RIT2: variants seen among roughly 807,000 people sequenced by gnomAD.
RIT2 encodes the protein Ras like without CAAX 2, also known as GTP-binding protein Rit2.
A neutral mutation model predicts 23.7 loss-of-function variants in RIT2; 24 were observed. That is an observed-to-expected ratio of 1.01 (90% CI 0.73 to 1.43). The LOEUF (loss-of-function observed/expected upper bound fraction) is 1.43, where lower values mean the gene tolerates loss of function less well. Ranked by LOEUF, RIT2 falls within the 40% of genes most tolerant of loss-of-function variation. The probability of loss-of-function intolerance (pLI) is 0.00; values close to 1 mark genes in which losing one functional copy is unlikely to be tolerated. For synonymous variants in RIT2, 107 were observed against 91.1 expected (o/e 1.17, Z -0.99); for missense variants, 236 against 266.9 (o/e 0.88, Z 0.81).
intron 1 of RIT2, among the ~76,000 whole-genome samples, chr18:43,077,138 C>G (rs979842154): frequency 2.0e-5 from 3 of 149,338 alleles, no homozygotes; most frequent in African/African-American, 7.4e-5. Context: ...CAAACACAAG[C>G]CTCAGTTGAA....
chr18:43,095,717 C>G (rs1039868516), intron 1 of RIT2, among the ~76,000 whole-genome samples: 1 of 151,898 alleles, frequency 6.6e-6, no homozygotes, highest in Non-Finnish European at 1.5e-5. Flanking sequence ...TAACTGCACT[C>G]GCTGATTTGA....
chr18:42,856,792 A>AT (rs1383814566), intron 4 of RIT2, among the ~76,000 whole-genome samples: 4 of 148,748 alleles, frequency 2.7e-5, no homozygotes, highest in Non-Finnish European at 4.5e-5. Context: ...ATATTTGGCA[A>AT]TTCCTTGAGA....
chr18:42,836,749 A>G (rs939042088), intron 4 of RIT2, among the ~76,000 whole-genome samples: 2 of 152,206 alleles, frequency 1.3e-5, no homozygotes, highest in African/African-American at 4.8e-5. Context: ...ATATTCAGAA[A>G]TGATATATCA....
At chr18:42,884,323 A>G (rs1173819338) in intron 4 of RIT2, among the ~76,000 whole-genome samples, 1 of 152,224 alleles carries the variant, frequency 6.6e-6, no homozygotes, top group African/African-American at 2.4e-5. Flanking sequence ...TCTTTTCTTT[A>G]ATGTCAACAG....
chr18:42,859,290 C>G (rs1907265646), intron 4 of RIT2, among the ~76,000 whole-genome samples: 1 of 152,036 alleles, frequency 6.6e-6, no homozygotes, highest in Non-Finnish European at 1.5e-5. Context: ...TTTATATTTC[C>G]TCAATGACTA....
intron 2 of RIT2, among the ~76,000 whole-genome samples, chr18:42,986,406 A>G (rs1910710668): frequency 6.6e-6 from 1 of 152,062 alleles, no homozygotes; most frequent in African/African-American, 2.4e-5. Context: ...CAAAAGACTT[A>G]GGGTTAGCTT....
intron 1 of RIT2, among the ~76,000 whole-genome samples, chr18:43,065,176 C>CCA (rs1292121488): frequency 6.7e-6 from 1 of 149,202 alleles, no homozygotes; most frequent in East Asian, 2.0e-4. Context: ...TACTGGATTT[C>CCA]CACATTATAA....
At chr18:42,935,344 G>A (rs1364427935) in intron 3 of RIT2, among the ~76,000 whole-genome samples, 1 of 152,136 alleles carries the variant, frequency 6.6e-6, no homozygotes, top group Non-Finnish European at 1.5e-5. Flanking sequence ...GCTCAGTTAG[G>A]AAATGTGCTA....
intron 3 of RIT2, among the ~76,000 whole-genome samples, chr18:42,954,133 T>A (rs956682907): frequency 2.0e-4 from 30 of 152,164 alleles, no homozygotes; most frequent in African/African-American, 5.3e-4. Context: ...ATCCCAGCAC[T>A]TTGGGAGGCC....
Position 42,793,155 on chromosome 18 carries a change from G to C in RIT2, c.427-49435C>G, listed in dbSNP as rs573389539. 2.0e-5 allele frequency among the ~76,000 whole-genome samples: 3 copies of C among 152,254 alleles called. No homozygotes were observed. In the South Asian group the frequency reaches 6.2e-4, roughly 32 times the overall value. ...ATGGACTCTAATATAAGACCTGCTA[G>C]TAGTAATACAAGTGGCTCTGTTAAA... On this transcript the variant is annotated intron_variant, in intron 4 of 4. Transcript: ENST00000326695.
intron 1 of RIT2, among the ~76,000 whole-genome samples, chr18:43,095,065 G>C (rs184730405): frequency 1.3e-5 from 2 of 152,096 alleles, no homozygotes; most frequent in East Asian, 3.9e-4. Context: ...ACAATCCTTT[G>C]GATATATACC....
intron 4 of RIT2, among the ~76,000 whole-genome samples, chr18:42,761,084 T>A (rs920241206): frequency 6.6e-6 from 1 of 152,216 alleles, no homozygotes; most frequent in African/African-American, 2.4e-5. Flanking sequence ...CAGGCTAGAG[T>A]CACTTTTCTC....
intron 3 of RIT2, among the ~76,000 whole-genome samples, chr18:42,950,989 C>A (rs958783267): frequency 2.6e-5 from 4 of 151,854 alleles, no homozygotes; most frequent in Admixed American, 2.0e-4. Context: ...TTAGTTCAGC[C>A]ACTATGGAAA....
chr18:42,891,616 A>G (rs191664031), intron 4 of RIT2, among the ~76,000 whole-genome samples: 157 of 152,242 alleles, frequency 1.0e-3, no homozygotes, highest in African/African-American at 3.6e-3. Flanking sequence ...CTTCAAATTC[A>G]TATTATTAAG....
At chr18:43,068,057 A>C (rs182627223) in intron 1 of RIT2, among the ~76,000 whole-genome samples, 7 of 152,312 alleles carry the variant, frequency 4.6e-5, no homozygotes, top group African/African-American at 1.7e-4. Context: ...ACAAACTTGA[A>C]ATTTGGGTAA....
chr18:42,757,162 G>T (rs571596569), intron 4 of RIT2, among the ~76,000 whole-genome samples: 43 of 152,282 alleles, frequency 2.8e-4, no homozygotes, highest in African/African-American at 1.0e-3. Context: ...AACCCTCCAT[G>T]AATTAACTAG....
chr18:42,803,718 C>T (rs1356444428), intron 4 of RIT2, among the ~76,000 whole-genome samples: 3 of 152,130 alleles, frequency 2.0e-5, no homozygotes. Context: ...CAACCTGATG[C>T]TATTTGCTGC....
At chr18:42,782,161 T>C (rs1913824881) in intron 4 of RIT2, among the ~76,000 whole-genome samples, 1 of 152,192 alleles carries the variant, frequency 6.6e-6, no homozygotes, top group African/African-American at 2.4e-5. Context: ...GGAAGACAGC[T>C]ATTTAACCAT....
intron 1 of RIT2, among the ~76,000 whole-genome samples, chr18:43,096,038 G>A (rs1230944566): frequency 3.3e-5 from 5 of 151,824 alleles, no homozygotes; most frequent in African/African-American, 9.7e-5. Context: ...AAAAACACTT[G>A]TATAGCACAT....
Sources: allele counts gnomAD v4.1 joint callset (sites outside exome capture counted in the v4.1 genomes callset), GRCh38; gene constraint gnomAD v4.1.1; transcripts MANE v1.5; gene names NCBI Gene and HGNC (gene_info 2026-07-23, HGNC 2026-07-21).